BCL2: variants seen among roughly 807,000 people sequenced by gnomAD.
BCL2 encodes apoptosis regulator Bcl-2.
Under a neutral mutation model 14.2 loss-of-function variants are expected in BCL2, and 1 was observed. The ratio of observed to expected loss-of-function variants is 0.07; its 90% CI spans 0.02 to 0.33. The LOEUF is 0.33. Ranked by LOEUF, BCL2 falls within the 10% of genes least tolerant of loss-of-function variation. BCL2 has a pLI of 0.99. For synonymous variants in BCL2, 151 were observed against 137.2 expected (o/e 1.10, Z -0.70); for missense variants, 247 against 305.9 (o/e 0.81, Z 1.44).
At chr18:63,145,000 T>A (rs1914470508) in intron 2 of BCL2, among the ~76,000 whole-genome samples, 2 of 152,196 alleles carry the variant, frequency 1.3e-5, no homozygotes, top group South Asian at 4.1e-4. Flanking sequence ...TCAAGAGTAT[T>A]TTAAAATGTT....
At chr18:63,316,916 C>T (rs1055109849) in intron 2 of BCL2, 1 of 141,564 alleles carries the variant, frequency 7.1e-6, no homozygotes, top group African/African-American at 2.6e-5. Context: ...GATAACTCTT[C>T]AGATTAAAAC....
At chr18:63,148,803 A>G (rs571623546) in intron 2 of BCL2, among the ~76,000 whole-genome samples, 3 of 152,338 alleles carry the variant, frequency 2.0e-5, no homozygotes, top group African/African-American at 7.2e-5. Flanking sequence ...AAGTGCTTCC[A>G]TATAGATCAT....
chr18:63,160,141 T>A (rs1914884832), intron 2 of BCL2, among the ~76,000 whole-genome samples: 1 of 152,236 alleles, frequency 6.6e-6, no homozygotes, highest in Non-Finnish European at 1.5e-5. Context: ...GTTTTTAAAT[T>A]ATTTGCATCT....
At chr18:63,153,663 G>A (rs1599211884) in intron 2 of BCL2, among the ~76,000 whole-genome samples, 2 of 152,158 alleles carry the variant, frequency 1.3e-5, no homozygotes, top group Non-Finnish European at 2.9e-5. Context: ...TCTTGAAATC[G>A]TCAGGGCAGA....
intron 2 of BCL2, chr18:63,314,754 A>G (rs1400138037): frequency 1.3e-5 from 2 of 152,254 alleles, no homozygotes; most frequent in African/African-American, 4.8e-5. Flanking sequence ...GGATAAAATA[A>G]TAACTAACAG....
At chr18:63,280,314 G>T (rs996887462) in intron 2 of BCL2, among the ~76,000 whole-genome samples, 1 of 152,086 alleles carries the variant, frequency 6.6e-6, no homozygotes, top group African/African-American at 2.4e-5. Flanking sequence ...TTAAATGAAG[G>T]TGATAATATC....
intron 2 of BCL2, among the ~76,000 whole-genome samples, chr18:63,282,584 TA>T (rs1232197490): frequency 1.3e-5 from 2 of 152,208 alleles, no homozygotes; most frequent in Non-Finnish European, 2.9e-5. Context: ...AGGTCAGCTT[TA>T]ACAAGCATTC....
intron 2 of BCL2, chr18:63,317,690 C>G: frequency 1.9e-6 from 2 of 1,064,388 alleles, no homozygotes; most frequent in Non-Finnish European, 2.3e-6. Context: ...AACCTGGTAT[C>G]TGGTTCATAA....
chr18:63,136,763 T>G (rs1485308918), intron 2 of BCL2, among the ~76,000 whole-genome samples: 5 of 152,192 alleles, frequency 3.3e-5, no homozygotes, highest in African/African-American at 1.2e-4. Context: ...ATTCATTGGT[T>G]GAAGGTTGCT....
At chr18:63,278,273 C>A (rs114805588) in intron 2 of BCL2, among the ~76,000 whole-genome samples, 2,177 of 152,272 alleles carry the variant, frequency 0.014, 59 homozygotes, top group African/African-American at 0.05. Flanking sequence ...CAAATACAGT[C>A]CAGATACACT....
chr18:63,131,970 C>G (rs1274851080), intron 2 of BCL2, among the ~76,000 whole-genome samples: 1 of 152,222 alleles, frequency 6.6e-6, no homozygotes, highest in Non-Finnish European at 1.5e-5. Context: ...CACCCTCACC[C>G]CCACACAAAT....
chr18:63,272,994 A>G (rs538449776), intron 2 of BCL2, among the ~76,000 whole-genome samples: 2 of 152,194 alleles, frequency 1.3e-5, no homozygotes, highest in Admixed American at 6.5e-5. Context: ...ACCCAGTCTA[A>G]AATCACAGCA....
At chr18:63,232,646 G>A (rs188506149) in intron 2 of BCL2, among the ~76,000 whole-genome samples, 1 of 152,364 alleles carries the variant, frequency 6.6e-6, no homozygotes, top group Admixed American at 6.5e-5. Flanking sequence ...AATGTCAAGA[G>A]TGGGAGAAGA....
chr18:63,270,691 G>GA (rs1236189120), intron 2 of BCL2, among the ~76,000 whole-genome samples: 1 of 152,112 alleles, frequency 6.6e-6, no homozygotes, highest in Non-Finnish European at 1.5e-5. Flanking sequence ...TACCTTTTGG[G>GA]ACCTTTTCAA....
At chr18:63,160,188 G>C (rs990382132) in intron 2 of BCL2, among the ~76,000 whole-genome samples, 2 of 152,196 alleles carry the variant, frequency 1.3e-5, no homozygotes, top group African/African-American at 4.8e-5. Flanking sequence ...AGCCAAATGT[G>C]TGGGAAGAAA....
intron 2 of BCL2, among the ~76,000 whole-genome samples, chr18:63,201,336 T>A (rs1909685321): frequency 6.6e-6 from 1 of 152,210 alleles, no homozygotes; most frequent in Admixed American, 6.5e-5. Flanking sequence ...AAGACGCTAG[T>A]CAATTCATCC....
chr18:63,207,225 C>T (rs1253226641), intron 2 of BCL2, among the ~76,000 whole-genome samples: 1 of 152,164 alleles, frequency 6.6e-6, no homozygotes, highest in Non-Finnish European at 1.5e-5. Context: ...CCCAGGATGC[C>T]GGCAGAGCGA....
intron 2 of BCL2, among the ~76,000 whole-genome samples, chr18:63,199,413 A>G (rs1043951300): frequency 6.6e-6 from 1 of 151,764 alleles, no homozygotes; most frequent in African/African-American, 2.4e-5. Flanking sequence ...ACACAGCCAT[A>G]AACATACAAA....
chr18:63,251,644 C>CAA (rs537877070), intron 2 of BCL2, among the ~76,000 whole-genome samples: 45 of 106,572 alleles, frequency 4.2e-4, no homozygotes, highest in Admixed American at 3.2e-3. Context: ...GACTCTGTCT[C>CAA]AAAAAAAAAA....
Sources: gnomAD v4.1 joint callset for allele counts (sites outside exome capture counted in the v4.1 genomes callset) on GRCh38, gnomAD v4.1.1 for gene constraint, MANE v1.5 for transcripts, NCBI Gene and HGNC (gene_info 2026-07-23, HGNC 2026-07-21) for gene names.